NKAIN2: variants seen among roughly 807,000 people sequenced by gnomAD.
NKAIN2 encodes the protein sodium/potassium-transporting ATPase subunit beta-1-interacting protein 2.
A neutral mutation model predicts 32.6 loss-of-function variants in NKAIN2; 14 were observed. The ratio of observed to expected loss-of-function variants is 0.43; its 90% CI spans 0.28 to 0.67. The LOEUF (loss-of-function observed/expected upper bound fraction) is 0.67. Ranked by LOEUF, NKAIN2 falls within the 30% of genes least tolerant of loss-of-function variation. The pLI, the probability that NKAIN2 is intolerant of heterozygous loss-of-function variation, is 0.17. For synonymous variants in NKAIN2, 80 were observed against 87.2 expected, an observed-to-expected ratio of 0.92 and a Z score of 0.46; for missense variants, 198 against 258.3, an observed-to-expected ratio of 0.77 and a Z score of 1.60.
rs138495750 is a variant in NKAIN2, at chr6:124,190,635, G to A, written c.55-92370G>A. Reference sequence around the variant, plus strand: ...TTGGAGTTGCAAATTCTTAATAAGCGTATACCCAGATTTTTAATAAGCATA... The same window carrying A: ...TTGGAGTTGCAAATTCTTAATAAGCATATACCCAGATTTTTAATAAGCATA... On this transcript the variant is annotated intron_variant, in intron 1 of 6. Transcript: ENST00000368417. Among the ~76,000 whole-genome samples the A allele has an allele frequency of 2.6e-3, 403 of 152,174 alleles. 1 individual carries two copies. Among genetic ancestry groups the A allele is most frequent in the Middle Eastern group, 0.014 (4 of 294 alleles).
intron 3 of NKAIN2, among the ~76,000 whole-genome samples, chr6:124,428,144 C>T (rs189384063): frequency 4.6e-5 from 7 of 152,134 alleles, no homozygotes; most frequent in Admixed American, 4.6e-4. Context: ...AATTGCTAGT[C>T]ACTACTCAGA....
chr6:123,804,804 T>C (rs1237835514), intron 1 of NKAIN2, among the ~76,000 whole-genome samples: 3 of 152,212 alleles, frequency 2.0e-5, no homozygotes, highest in Admixed American at 1.3e-4. Context: ...TTTAGCCACA[T>C]TGAGTTTTTA....
At chr6:124,406,916 T>C (rs1773885800) in intron 3 of NKAIN2, among the ~76,000 whole-genome samples, 1 of 152,074 alleles carries the variant, frequency 6.6e-6, no homozygotes, top group Non-Finnish European at 1.5e-5. Context: ...CTTTGCCCAA[T>C]TTTTCTTGTT....
chr6:124,708,873 A>T (rs1401072896), intron 4 of NKAIN2, among the ~76,000 whole-genome samples: 1 of 143,950 alleles, frequency 6.9e-6, no homozygotes, highest in African/African-American at 2.6e-5. Flanking sequence ...TTCCAACACT[A>T]TGTTGAATAG....
chr6:123,826,923 G>C (rs1774171353), intron 1 of NKAIN2, among the ~76,000 whole-genome samples: 1 of 152,110 alleles, frequency 6.6e-6, no homozygotes, highest in Non-Finnish European at 1.5e-5. Context: ...CTGCCATGCT[G>C]TTTCCCATAG....
intron 4 of NKAIN2, among the ~76,000 whole-genome samples, chr6:124,675,694 G>A (rs1018614936): frequency 4.0e-5 from 6 of 151,836 alleles, no homozygotes; most frequent in South Asian, 2.1e-4. Flanking sequence ...CATTCATAAT[G>A]TCTCCATTTT....
intron 1 of NKAIN2, among the ~76,000 whole-genome samples, chr6:124,278,892 T>C: frequency 6.6e-6 from 1 of 151,764 alleles, no homozygotes; most frequent in Non-Finnish European, 1.5e-5. Flanking sequence ...TGGAAATGAA[T>C]TAAAGATTTA....
At chr6:124,474,232 A>C (rs894687213) in intron 3 of NKAIN2, among the ~76,000 whole-genome samples, 2 of 152,086 alleles carry the variant, frequency 1.3e-5, no homozygotes, top group African/African-American at 4.8e-5. Context: ...GAATCTGCCA[A>C]ATTTCATCAT....
At chr6:124,093,555 T>C (rs1784520813) in intron 1 of NKAIN2, among the ~76,000 whole-genome samples, 2 of 152,160 alleles carry the variant, frequency 1.3e-5, no homozygotes, top group Admixed American at 1.3e-4. Flanking sequence ...TTTGGAGTAA[T>C]CCTGTAAATA....
chr6:124,408,700 G>A lies in NKAIN2; in HGVS notation c.273+53353G>A, dbSNP rs1364572319. The stretch of plus-strand genomic sequence containing the variant: ...TGTGGGCTCTTTTTTGGTTCCATAT[G>A]AACTTTAAAGTAGTTTTTTCCAATT... On this transcript the variant is annotated intron_variant, in intron 3 of 6. Coordinates refer to ENST00000368417, the MANE Select transcript of NKAIN2 (RefSeq NM_001040214.3). Among the ~76,000 whole-genome samples, 19 of 148,544 alleles carry A rather than the reference G, an allele frequency of 1.3e-4. No individual in the cohort carries two copies. The South Asian group carries it at 3.6e-3, about 28-fold the overall frequency.
chr6:124,046,973 A>G (rs934946126), intron 1 of NKAIN2, among the ~76,000 whole-genome samples: 1 of 152,040 alleles, frequency 6.6e-6, no homozygotes, highest in Non-Finnish European at 1.5e-5. Flanking sequence ...GTAAGAGGAT[A>G]TCTTAAGCTA....
intron 1 of NKAIN2, among the ~76,000 whole-genome samples, chr6:124,236,211 A>G (rs1158236759): frequency 6.6e-6 from 1 of 152,204 alleles, no homozygotes; most frequent in Non-Finnish European, 1.5e-5. Flanking sequence ...GCTATGTGAT[A>G]TGTAATAAAG....
intron 1 of NKAIN2, among the ~76,000 whole-genome samples, chr6:123,990,953 G>T (rs1287330055): frequency 6.6e-6 from 1 of 151,920 alleles, no homozygotes; most frequent in Non-Finnish European, 1.5e-5. Flanking sequence ...TTAGCCAATT[G>T]GATTTCAAAT....
intron 4 of NKAIN2, among the ~76,000 whole-genome samples, chr6:124,753,298 G>A (rs913722192): frequency 1.5e-4 from 23 of 152,076 alleles, no homozygotes; most frequent in African/African-American, 5.1e-4. Context: ...ATGCAGCTTT[G>A]CAAAACTGCA....
At chr6:124,224,583 T>C (rs1792009768) in intron 1 of NKAIN2, among the ~76,000 whole-genome samples, 1 of 152,130 alleles carries the variant, frequency 6.6e-6, no homozygotes, top group Admixed American at 6.5e-5. Flanking sequence ...TTCTGATTGA[T>C]GCCCAGCATT....
At chr6:124,527,749 G>A (rs965297150) in intron 3 of NKAIN2, among the ~76,000 whole-genome samples, 4 of 152,090 alleles carry the variant, frequency 2.6e-5, no homozygotes, top group Non-Finnish European at 5.9e-5. Context: ...CAAATCTCCT[G>A]GTCTGAGTCA....
intron 1 of NKAIN2, among the ~76,000 whole-genome samples, chr6:124,205,767 G>A (rs938851983): frequency 3.3e-5 from 5 of 151,774 alleles, no homozygotes; most frequent in Admixed American, 1.3e-4. Flanking sequence ...ATATCTTAGG[G>A]CTGAAATTTG....
rs1349013397 is a variant in NKAIN2 at position 123,964,561 on chromosome 6, A to G, written c.54+160307A>G. The stretch of plus-strand genomic sequence containing the variant: ...TCATATTATTTCCTCATTTTCCTAC[A>G]GAAAGGACTTGGGGATATAGAAAGG... On this transcript the variant is annotated intron_variant, in intron 1 of 6. Transcript: ENST00000368417. The surrounding 1 kb of genome is among the most constrained non-coding windows in gnomAD (Gnocchi z 4.0). Among the ~76,000 whole-genome samples, 1 of 152,210 alleles carries G rather than the reference A, an allele frequency of 6.6e-6. No individual in the cohort carries two copies. The highest frequency in any genetic ancestry group is 2.4e-5 in the African/African-American group (1 of 41,456).
intron 1 of NKAIN2, among the ~76,000 whole-genome samples, chr6:124,038,567 C>T (rs1781713196): frequency 1.3e-5 from 2 of 152,010 alleles, no homozygotes; most frequent in Non-Finnish European, 2.9e-5. Flanking sequence ...CTCCAGCATC[C>T]ACCTGGAACT....
Sources: allele counts gnomAD v4.1 joint callset (sites outside exome capture counted in the v4.1 genomes callset), GRCh38; gene constraint gnomAD v4.1.1; non-coding constraint Gnocchi (gnomAD v3.1); transcripts MANE v1.5; gene names NCBI Gene and HGNC (gene_info 2026-07-23, HGNC 2026-07-21).